Variants in DEPTOR observed in about 807,000 individuals in gnomAD.
The protein encoded by DEPTOR is DEP domain-containing mTOR-interacting protein.
Under a neutral mutation model 41.6 loss-of-function variants are expected in DEPTOR, and 41 were observed. The ratio of observed to expected loss-of-function variants is 0.98; its 90% confidence interval spans 0.77 to 1.28. DEPTOR has a LOEUF of 1.28. Among genes scored for constraint, DEPTOR ranks in the 50% most tolerant of loss-of-function variants. The pLI is 0.00. For missense variants in DEPTOR, 514 were observed against 527.9 expected (o/e 0.97, Z 0.26); for synonymous variants, 195 against 192.3 (o/e 1.01, Z -0.12).
At chr8:119,919,500 T>C (rs886169447) in intron 1 of DEPTOR, among the ~76,000 whole-genome samples, 2 of 152,218 alleles carry the variant, frequency 1.3e-5, no homozygotes, top group African/African-American at 4.8e-5. Context: ...AAATCTGAAT[T>C]AGAAAATAAG....
chr8:120,019,276 G>A (rs1380300078), intron 8 of DEPTOR, among the ~76,000 whole-genome samples: 1 of 152,148 alleles, frequency 6.6e-6, no homozygotes, highest in African/African-American at 2.4e-5. Context: ...CTGCACTCCA[G>A]CCTGGGCAAC....
intron 1 of DEPTOR, among the ~76,000 whole-genome samples, chr8:119,882,527 T>G (rs1187214316): frequency 6.6e-6 from 1 of 151,980 alleles, no homozygotes; most frequent in Non-Finnish European, 1.5e-5. Context: ...CCCAAGTATC[T>G]GAGACTCAAG....
intron 1 of DEPTOR, among the ~76,000 whole-genome samples, chr8:119,884,822 G>T: frequency 6.8e-6 from 1 of 147,600 alleles, no homozygotes; most frequent in African/African-American, 2.7e-5. Context: ...CAAGCTCACT[G>T]CAACCTCCGC....
At chr8:119,962,965 A>G (rs1010743995) in intron 3 of DEPTOR, among the ~76,000 whole-genome samples, 1 of 152,176 alleles carries the variant, frequency 6.6e-6, no homozygotes, top group Non-Finnish European at 1.5e-5. Context: ...TGACTGGCAC[A>G]GGACCGGGTT....
At chr8:120,041,346 A>G (rs925390171) in intron 8 of DEPTOR, among the ~76,000 whole-genome samples, 2 of 152,200 alleles carry the variant, frequency 1.3e-5, no homozygotes, top group Admixed American at 6.5e-5. Flanking sequence ...CCAGAGGATT[A>G]TCGTACATCT....
At chr8:119,966,877 TA>T (rs1828568926) in intron 4 of DEPTOR, among the ~76,000 whole-genome samples, 1 of 152,214 alleles carries the variant, frequency 6.6e-6, no homozygotes, top group African/African-American at 2.4e-5. Flanking sequence ...CATCCATTGT[TA>T]TGCTTATGTT....
intron 8 of DEPTOR, among the ~76,000 whole-genome samples, chr8:120,019,260 G>A (rs1250055666): frequency 5.3e-5 from 8 of 152,056 alleles, no homozygotes; most frequent in Non-Finnish European, 7.4e-5. Flanking sequence ...AGCCGAGATT[G>A]CGCCACTGCA....
At chr8:119,903,270 G>C (rs1026749303) in intron 1 of DEPTOR, among the ~76,000 whole-genome samples, 1 of 152,096 alleles carries the variant, frequency 6.6e-6, no homozygotes. Flanking sequence ...AGCTAATTTT[G>C]TATTTTTAGT....
chr8:119,933,285 T>C (rs112020351), intron 3 of DEPTOR, among the ~76,000 whole-genome samples: 7 of 151,308 alleles, frequency 4.6e-5, no homozygotes, highest in African/African-American at 7.3e-5. Context: ...AGGGCAGGAG[T>C]TCGAGACCAG....
In DEPTOR at chr8:119,971,187, T is replaced by G. The variant is rs1828629256; in HGVS notation, c.604+5777T>G. On this transcript the variant is annotated intron_variant, in intron 4 of 8. Transcript: ENST00000286234. ...AGCGGAGCTTGTAGTGAGCGAAGAT[T>G]GCGCCACCGCTCCAGCCTGGGCAAC... Among the ~76,000 whole-genome samples, 5 of 143,704 alleles carry G rather than the reference T, an allele frequency of 3.5e-5. No individual in the cohort carries two copies. In the South Asian group the frequency reaches 8.6e-4, roughly 25 times the overall value. The allele number at this position is 143,704 out of a possible 152,430, so 94.3% of individuals were successfully genotyped here.
chr8:119,947,104 G>A (rs1213435269), intron 3 of DEPTOR, among the ~76,000 whole-genome samples: 1 of 152,196 alleles, frequency 6.6e-6, no homozygotes, highest in Admixed American at 6.5e-5. Flanking sequence ...GTTAAGGTAA[G>A]TATTATTGTC....
At chr8:120,003,633 T>C (rs544031639) in intron 6 of DEPTOR, among the ~76,000 whole-genome samples, 1 of 151,396 alleles carries the variant, frequency 6.6e-6, no homozygotes, top group African/African-American at 2.4e-5. Flanking sequence ...GCATAAGATC[T>C]GTTGGGGCCC....
chr8:119,924,388 G>C (rs1416954704), intron 1 of DEPTOR, among the ~76,000 whole-genome samples: 1 of 152,086 alleles, frequency 6.6e-6, no homozygotes, highest in East Asian at 1.9e-4. Flanking sequence ...TCAGAAGACA[G>C]AAAACTCAGT....
intron 8 of DEPTOR, among the ~76,000 whole-genome samples, chr8:120,029,811 G>A (rs1409357183): frequency 6.6e-6 from 1 of 152,108 alleles, no homozygotes; most frequent in African/African-American, 2.4e-5. Flanking sequence ...TGTGCTGACT[G>A]GTGAAAAGTT....
At chr8:119,987,895 C>T (rs542071076) in intron 4 of DEPTOR, among the ~76,000 whole-genome samples, 1 of 152,168 alleles carries the variant, frequency 6.6e-6, no homozygotes, top group Non-Finnish European at 1.5e-5. Context: ...CCCAGGTCGA[C>T]CTCTGACTGC....
At chr8:120,036,159 C>T (rs76417980) in intron 8 of DEPTOR, among the ~76,000 whole-genome samples, 305 of 152,260 alleles carry the variant, frequency 2.0e-3, no homozygotes, top group Middle Eastern at 3.4e-3. Context: ...AAGAGGGAGC[C>T]TAGATCTTAA....
chr8:119,996,906 A>C (rs1333304964), intron 4 of DEPTOR, among the ~76,000 whole-genome samples: 1 of 152,192 alleles, frequency 6.6e-6, no homozygotes. Flanking sequence ...GAAGGTTGCC[A>C]GAAATAACTT....
At chr8:119,962,635 A>C (rs577718452) in intron 3 of DEPTOR, among the ~76,000 whole-genome samples, 25 of 152,358 alleles carry the variant, frequency 1.6e-4, no homozygotes, top group African/African-American at 5.8e-4. Context: ...GTGTATTTTC[A>C]ACAGGGGAAG....
intron 8 of DEPTOR, among the ~76,000 whole-genome samples, chr8:120,014,477 T>G (rs1377471226): frequency 6.6e-6 from 1 of 152,142 alleles, no homozygotes; most frequent in Non-Finnish European, 1.5e-5. Flanking sequence ...AATCTGTCTC[T>G]TATCTCTTTG....
Sources: allele counts gnomAD v4.1 joint callset (sites outside exome capture counted in the v4.1 genomes callset), GRCh38; gene constraint gnomAD v4.1.1; transcripts MANE v1.5; gene names NCBI Gene and HGNC (gene_info 2026-07-23, HGNC 2026-07-21).